Variants in MYO5A observed in about 807,000 individuals in gnomAD.
MYO5A encodes unconventional myosin-Va.
A neutral mutation model predicts 249.7 loss-of-function variants in MYO5A; 98 were observed. That is an observed-to-expected ratio of 0.39 (90% CI 0.33 to 0.46). MYO5A has a LOEUF of 0.46. Among genes scored for constraint, MYO5A ranks in the 20% least tolerant of loss-of-function variants. The probability of loss-of-function intolerance (pLI) is 0.98; values close to 1 mark genes in which losing one functional copy is unlikely to be tolerated. For missense variants in MYO5A, 1,696 were observed against 2,308.8 expected (o/e 0.73, Z 5.44); for synonymous variants, 778 against 810.6 (o/e 0.96, Z 0.68).
chr15:52,370,254 T>C lies in MYO5A; in HGVS notation c.2981A>G (p.Lys994Arg). 6.2e-7 allele frequency: 1 copy of C among 1,614,152 alleles called. No individual in the cohort carries two copies. Among genetic ancestry groups the C allele is most frequent in the Non-Finnish European group, 8.5e-7 (1 of 1,180,012 alleles). ...AGTTTGCTCCAGGTCTTTCCGGAGC[T>C]TGGCAATTTCTTCCTGCAGACTAAG... ...RVLSLQEEIA[K>R]LRKDLEQTRS... The change falls in exon 22 of 42, where the codon AAG becomes AGG. Residue 994 changes from lysine (K) to arginine (R), a missense_variant. Lys to Arg is a conservative substitution (Grantham distance 26). Transcript: ENST00000399233.
At chr15:52,424,028 T>C (rs2075343538) in intron 4 of MYO5A, among the ~76,000 whole-genome samples, 1 of 152,238 alleles carries the variant, frequency 6.6e-6, no homozygotes, top group African/African-American at 2.4e-5. Flanking sequence ...TAGCCACCCA[T>C]GTGATTTTTT....
chr15:52,395,577 T>C (rs1366687076), intron 11 of MYO5A, among the ~76,000 whole-genome samples: 1 of 152,184 alleles, frequency 6.6e-6, no homozygotes, highest in Non-Finnish European at 1.5e-5. Flanking sequence ...CCTTTACATA[T>C]TCCAACTCAT....
At chr15:52,427,185 G>A (rs1455905121) in intron 3 of MYO5A, among the ~76,000 whole-genome samples, 1 of 152,034 alleles carries the variant, frequency 6.6e-6, no homozygotes, top group Non-Finnish European at 1.5e-5. Flanking sequence ...TTCTGTAGGT[G>A]TATATTAACT....
intron 25 of MYO5A, among the ~76,000 whole-genome samples, chr15:52,358,005 A>G (rs1446737780): frequency 2.6e-5 from 4 of 152,218 alleles, no homozygotes; most frequent in African/African-American, 9.7e-5. Context: ...GACCCTTCCC[A>G]GAGGTGAAAG....
chr15:52,488,846 A>C (rs1187473255), intron 1 of MYO5A, among the ~76,000 whole-genome samples: 3 of 152,238 alleles, frequency 2.0e-5, no homozygotes, highest in African/African-American at 7.2e-5. Context: ...TATAAATGAC[A>C]CTTAATAACA....
chr15:52,440,426 C>G (rs939625515), intron 1 of MYO5A, among the ~76,000 whole-genome samples: 5 of 152,202 alleles, frequency 3.3e-5, no homozygotes, highest in Non-Finnish European at 5.9e-5. Flanking sequence ...CACCACAACA[C>G]CTGGCTAATT....
chr15:52,418,177 T>A (rs1406219549), intron 4 of MYO5A, among the ~76,000 whole-genome samples: 2 of 152,162 alleles, frequency 1.3e-5, no homozygotes, highest in African/African-American at 4.8e-5. Flanking sequence ...AATGGAGTAA[T>A]GACAGATTTA....
intron 1 of MYO5A, among the ~76,000 whole-genome samples, chr15:52,493,130 A>T (rs1454706062): frequency 6.6e-6 from 1 of 152,164 alleles, no homozygotes; most frequent in Non-Finnish European, 1.5e-5. Context: ...GAAGATAGAG[A>T]TAGAAAAGGT....
chr15:52,490,163 C>T (rs756196815), intron 1 of MYO5A, among the ~76,000 whole-genome samples: 4 of 152,180 alleles, frequency 2.6e-5, no homozygotes, highest in African/African-American at 4.8e-5. Context: ...GCAGCCAGTA[C>T]GGAAAACAGT....
At chr15:52,354,093 ATGG>A in intron 25 of MYO5A, 79 bp from the exon 26 acceptor site, 1 of 1,541,824 alleles carries the variant, frequency 6.5e-7, no homozygotes, top group South Asian at 1.1e-5. Context: ...AAACAGCTCA[ATGG>A]AAAAATAGGC....
At chr15:52,313,994 T>G (rs2037869686) in intron 41 of MYO5A, 129 bp downstream of exon 41, 1 of 1,308,328 alleles carries the variant, frequency 7.6e-7, no homozygotes, top group African/African-American at 1.5e-5. Flanking sequence ...CCCAATTAAC[T>G]ATTATCAAAA....
At chr15:52,379,166 C>A (rs544296757) in intron 18 of MYO5A, among the ~76,000 whole-genome samples, 1 of 152,280 alleles carries the variant, frequency 6.6e-6, no homozygotes, top group Non-Finnish European at 1.5e-5. Context: ...TCTCTCCTTC[C>A]CATAGCTGGA....
chr15:52,346,675 C>T lies in MYO5A; in HGVS notation c.3859-214G>A, dbSNP rs893451877. 34 of 642,486 alleles carry T rather than the reference C, an allele frequency of 5.3e-5. No individual in the cohort carries two copies. In the African/African-American group the frequency reaches 5.9e-4, roughly 11 times the overall value. The allele number at this position is 642,486 out of a possible 1,614,324, so 39.8% of individuals were successfully genotyped here. ...CCTTCAGTTTTTCTCCTGAGAAACA[C>T]TAGCACTCTGCTACAAAGGTGGGAA... is the stretch of plus-strand genomic sequence containing the variant. On this transcript the variant is annotated intron_variant, in intron 29 of 41. Coordinates refer to ENST00000399233, the MANE Select transcript of MYO5A (RefSeq NM_001382347.1).
chr15:52,349,555 T>C (rs1229453260), intron 28 of MYO5A, among the ~76,000 whole-genome samples: 2 of 152,230 alleles, frequency 1.3e-5, no homozygotes. Context: ...GAATGTGTGA[T>C]AGCAGAACTA....
chr15:52,437,200 C>G (rs1323651971), intron 1 of MYO5A, among the ~76,000 whole-genome samples: 1 of 152,160 alleles, frequency 6.6e-6, no homozygotes, highest in Admixed American at 6.5e-5. Flanking sequence ...TTTCTATGTA[C>G]TAACTGCTCC....
chr15:52,435,547 G>T (rs554428231), intron 1 of MYO5A: 19 of 424,284 alleles, frequency 4.5e-5, no homozygotes, highest in African/African-American at 1.0e-4. Flanking sequence ...AAGGTGCTGG[G>T]ATTACAGGCA....
chr15:52,503,150 T>C (rs1282850514), intron 1 of MYO5A, among the ~76,000 whole-genome samples: 1 of 152,190 alleles, frequency 6.6e-6, no homozygotes, highest in East Asian at 1.9e-4. Flanking sequence ...GTTACAATAA[T>C]CTACTGTATA....
chr15:52,317,698 G>T (rs896478834), intron 39 of MYO5A, among the ~76,000 whole-genome samples: 2 of 152,196 alleles, frequency 1.3e-5, no homozygotes, highest in Non-Finnish European at 2.9e-5. Context: ...CTGTGCTGAA[G>T]CCTTAAGGGA....
chr15:52,498,529 C>T (rs2077088603), intron 1 of MYO5A, among the ~76,000 whole-genome samples: 1 of 152,098 alleles, frequency 6.6e-6, no homozygotes, highest in African/African-American at 2.4e-5. Context: ...AAAAAAACCT[C>T]TTCATTTTAA....
Sources: allele counts gnomAD v4.1 joint callset (sites outside exome capture counted in the v4.1 genomes callset), GRCh38; gene constraint gnomAD v4.1.1; transcripts MANE v1.5; gene names NCBI Gene and HGNC (gene_info 2026-07-23, HGNC 2026-07-21).